Variants in TYW1B observed in about 807,000 individuals in gnomAD.
TYW1B encodes tRNA-yW synthesizing protein 1 homolog B, also known as S-adenosyl-L-methionine-dependent tRNA 4-demethylwyosine synthase TYW1B.
Under a neutral mutation model 86.9 loss-of-function variants are expected in TYW1B, and 73 were observed. The observed-to-expected ratio is 0.84, with a 90% confidence interval of 0.70 to 1.02. TYW1B has a LOEUF of 1.02. Ranked by LOEUF, TYW1B falls within the 50% of genes least tolerant of loss-of-function variation. The pLI is 0.00. For synonymous variants in TYW1B, 248 were observed against 292.8 expected (o/e 0.85, Z 1.56); for missense variants, 637 against 827.4 (o/e 0.77, Z 2.82).
chr7:72,711,473 C>CTTTTTTTT lies in TYW1B; in HGVS notation c.1370+2140_1370+2147dup, dbSNP rs59438928. 4.5e-3 allele frequency among the ~76,000 whole-genome samples: 259 copies of CTTTTTTTT among 56,970 alleles called. 53 individuals carry two copies. Among genetic ancestry groups the CTTTTTTTT allele is most frequent in the Non-Finnish European group, 4.9e-3 (162 of 33,352 alleles). 37.4% of individuals were successfully genotyped at this position (56,970 alleles called of 152,430 possible). A position where few individuals can be genotyped will look rare whatever the true frequency, so the allele number is the denominator to read the frequency against. Reference sequence around the variant, plus strand: ...CTTCGTGTTTCTCTCCTCTTTAATTCTTTTTTTTTTTTTTTTTTTTTTTTT... The same window carrying CTTTTTTTT: ...CTTCGTGTTTCTCTCCTCTTTAATTCTTTTTTTTTTTTTTTTTTTTTTTTTTTTTTTTT... On this transcript the variant is annotated intron_variant, in intron 10 of 13. Coordinates refer to ENST00000620995, the MANE Select transcript of TYW1B (RefSeq NM_001145440.3).
chr7:72,659,971 A>C (rs1813292941), intron 11 of TYW1B, among the ~76,000 whole-genome samples: 1 of 152,196 alleles, frequency 6.6e-6, no homozygotes, highest in Admixed American at 6.5e-5. Context: ...TATAAATAAC[A>C]TGTGAACATA....
chr7:72,727,354 A>G (rs1280838052), intron 9 of TYW1B, among the ~76,000 whole-genome samples: 6 of 152,242 alleles, frequency 3.9e-5, no homozygotes, highest in African/African-American at 1.4e-4. Flanking sequence ...AATACAGGAG[A>G]GAAGGAGTCA....
chr7:72,811,474 T>C (rs1563102832), intron 3 of TYW1B, among the ~76,000 whole-genome samples: 1 of 151,868 alleles, frequency 6.6e-6, no homozygotes, highest in Non-Finnish European at 1.5e-5. Flanking sequence ...AGACGAGGAA[T>C]GTGGTGACCT....
chr7:72,577,241 T>C (rs1291310672), intron 13 of TYW1B, among the ~76,000 whole-genome samples: 2 of 151,868 alleles, frequency 1.3e-5, no homozygotes, highest in Admixed American at 6.6e-5. Flanking sequence ...ATTTAGAATA[T>C]TAAAATATGT....
chr7:72,780,911 T>A (rs1461656986), intron 6 of TYW1B, among the ~76,000 whole-genome samples: 25 of 152,136 alleles, frequency 1.6e-4, no homozygotes, highest in African/African-American at 6.0e-4. Context: ...GCCCAGAATG[T>A]AACAATATAA....
intron 11 of TYW1B, among the ~76,000 whole-genome samples, chr7:72,635,392 G>A (rs1233797448): frequency 2.0e-5 from 3 of 152,228 alleles, no homozygotes; most frequent in African/African-American, 7.2e-5. Flanking sequence ...GCACCGCAGG[G>A]GACAATTAGC....
intron 9 of TYW1B, among the ~76,000 whole-genome samples, chr7:72,719,249 G>A (rs1383550971): frequency 6.6e-6 from 1 of 151,836 alleles, no homozygotes; most frequent in Admixed American, 6.6e-5. Context: ...CTGGGCTCAG[G>A]TGACCCTCCC....
intron 13 of TYW1B, among the ~76,000 whole-genome samples, chr7:72,610,238 C>T (rs1172023113): frequency 1.3e-5 from 2 of 152,164 alleles, no homozygotes. Context: ...TAATTTCAAG[C>T]ATTTTGGATG....
intron 3 of TYW1B, among the ~76,000 whole-genome samples, chr7:72,811,098 G>C (rs182568743): frequency 4.1e-4 from 62 of 151,606 alleles, no homozygotes; most frequent in Middle Eastern, 3.4e-3. Flanking sequence ...GGTGAAACCC[G>C]GTCTTTACTA....
chr7:72,606,011 C>T (rs3015868), intron 13 of TYW1B, among the ~76,000 whole-genome samples: 151,714 of 152,168 alleles, frequency 1, 75,632 homozygotes, highest in Middle Eastern at 1. Context: ...CAGCTAAAAA[C>T]AGAGGATATT....
chr7:72,680,692 AC>A (rs1813853187), intron 11 of TYW1B, among the ~76,000 whole-genome samples: 1 of 152,156 alleles, frequency 6.6e-6, no homozygotes, highest in Middle Eastern at 3.2e-3. Context: ...CCTCTAGAGA[AC>A]CCTCATTAAT....
In TYW1B at chr7:72,616,910, G is replaced by A. The variant is rs1305909203; in HGVS notation, c.1618-71C>T. The A allele has an allele frequency of 2.3e-5, 36 of 1,584,924 alleles. No homozygotes were observed. The East Asian group carries it at 3.8e-4, about 17-fold the overall frequency. ...CATGTCATAGAAGACTTTCAGAGCC[G>A]GAAAGCCTTCTTGAGGTCAACCAAT... On this transcript the variant is annotated intron_variant, in intron 12 of 13. Coordinates refer to ENST00000620995, the MANE Select transcript of TYW1B (RefSeq NM_001145440.3).
chr7:72,821,178 T>C (rs1237982575), intron 2 of TYW1B, among the ~76,000 whole-genome samples: 3 of 152,202 alleles, frequency 2.0e-5, no homozygotes, highest in Non-Finnish European at 4.4e-5. Flanking sequence ...TTTGCCATGT[T>C]GGCCAGGCTA....
chr7:72,721,234 T>C (rs1786895527), intron 9 of TYW1B, among the ~76,000 whole-genome samples: 1 of 152,202 alleles, frequency 6.6e-6, no homozygotes, highest in South Asian at 2.1e-4. Context: ...TATAACAGCA[T>C]GATTTATAAT....
chr7:72,672,208 A>G (rs1813623692), intron 11 of TYW1B, among the ~76,000 whole-genome samples: 2 of 152,034 alleles, frequency 1.3e-5, no homozygotes. Context: ...CTTGCCTTCC[A>G]TCATGATTGG....
chr7:72,758,456 TTTTCTCTTAGAAAAAAATTTTTC>T (rs1554466631), intron 7 of TYW1B, among the ~76,000 whole-genome samples: 1 of 152,100 alleles, frequency 6.6e-6, no homozygotes, highest in African/African-American at 2.4e-5. Context: ...AAAAACATTT[TTTTCTCTTAGAAAAAAATTTTTC>T]TCTCTCTGTT....
chr7:72,798,376 G>T (rs1490128842), intron 6 of TYW1B, among the ~76,000 whole-genome samples: 1 of 151,246 alleles, frequency 6.6e-6, no homozygotes, highest in African/African-American at 2.4e-5. Context: ...GGGCGACAGA[G>T]CAAGACTCCG....
intron 9 of TYW1B, among the ~76,000 whole-genome samples, chr7:72,727,324 T>C (rs1478805294): frequency 6.6e-6 from 1 of 152,138 alleles, no homozygotes; most frequent in Non-Finnish European, 1.5e-5. Flanking sequence ...TTTTAATGGT[T>C]GCATATGACG....
rs1491239231 is a variant in TYW1B, at chr7:72,632,312, T to TA, written c.1507-3316_1507-3315insT. ...ATATATATATATACGTGTATATATA[T>TA]TATATATATTATATATATATACACG... On this transcript the variant is annotated intron_variant, in intron 11 of 13. Transcript: ENST00000620995. 7.8e-4 allele frequency among the ~76,000 whole-genome samples: 68 copies of TA among 86,918 alleles called. 2 individuals are homozygous for TA. Among genetic ancestry groups the TA allele is most frequent in the African/African-American group, 3.7e-3 (59 of 15,910 alleles). 57.0% of individuals were successfully genotyped at this position (86,918 alleles called of 152,430 possible).
Sources: gnomAD v4.1 joint callset for allele counts (sites outside exome capture counted in the v4.1 genomes callset) on GRCh38, gnomAD v4.1.1 for gene constraint, MANE v1.5 for transcripts, NCBI Gene and HGNC (gene_info 2026-07-23, HGNC 2026-07-21) for gene names.